KLHL32: variants seen among roughly 807,000 people sequenced by gnomAD.
The protein encoded by KLHL32 is kelch-like protein 32.
A neutral mutation model predicts 64.8 loss-of-function variants in KLHL32; 35 were observed. The observed-to-expected ratio is 0.54, with a 90% CI of 0.41 to 0.72. The LOEUF (loss-of-function observed/expected upper bound fraction) is 0.72, where lower values mean the gene tolerates loss of function less well. KLHL32 is among the 30% of genes least tolerant of loss of function. The pLI, the probability that KLHL32 is intolerant of heterozygous loss-of-function variation, is 0.00. For missense variants in KLHL32, 589 were observed against 768.5 expected, an observed-to-expected ratio of 0.77 and a Z score of 2.76; for synonymous variants, 259 against 281.0, an observed-to-expected ratio of 0.92 and a Z score of 0.78.
At chr6:96,920,205 G>GGA (rs570009527), upstream of KLHL32, among the ~76,000 whole-genome samples, 5 of 152,296 alleles carry the variant, frequency 3.3e-5, no homozygotes, top group South Asian at 1.0e-3. Flanking sequence ...GAAAATCCTT[G>GGA]GAGAGCAGAG....
At chr6:97,063,349 A>G (rs960119676) in intron 4 of KLHL32, among the ~76,000 whole-genome samples, 3 of 152,166 alleles carry the variant, frequency 2.0e-5, no homozygotes, top group Admixed American at 6.5e-5. Flanking sequence ...GTCAAGAATG[A>G]CCCTGAGGTT....
chr6:96,950,324 G>C (rs529955282), intron 1 of KLHL32, among the ~76,000 whole-genome samples: 1 of 152,086 alleles, frequency 6.6e-6, no homozygotes, highest in African/African-American at 2.4e-5. Flanking sequence ...TTCTAGCAAA[G>C]AGAAGAGTGG....
chr6:97,087,311 T>C (rs1157228345), intron 6 of KLHL32, among the ~76,000 whole-genome samples: 1 of 152,206 alleles, frequency 6.6e-6, no homozygotes, highest in Non-Finnish European at 1.5e-5. Flanking sequence ...AAGTTCATCA[T>C]TTTTGCTGAG....
At chr6:97,104,988 T>A (rs1796214582) in intron 6 of KLHL32, among the ~76,000 whole-genome samples, 1 of 152,220 alleles carries the variant, frequency 6.6e-6, no homozygotes, top group African/African-American at 2.4e-5. Flanking sequence ...TATGACACCA[T>A]TATTTCACCT....
At chr6:96,964,894 T>A (rs1030185306) in intron 1 of KLHL32, among the ~76,000 whole-genome samples, 2 of 152,206 alleles carry the variant, frequency 1.3e-5, no homozygotes, top group Non-Finnish European at 2.9e-5. Flanking sequence ...AGCATGTACA[T>A]GTGTAAGTTT....
intron 6 of KLHL32, among the ~76,000 whole-genome samples, chr6:97,089,828 G>T (rs1310887442): frequency 6.6e-6 from 1 of 152,014 alleles, no homozygotes; most frequent in Non-Finnish European, 1.5e-5. Flanking sequence ...TTAACCTGGG[G>T]GTTGAGGACA....
intron 6 of KLHL32, among the ~76,000 whole-genome samples, chr6:97,112,986 C>T (rs1230865090): frequency 6.6e-6 from 1 of 151,632 alleles, no homozygotes; most frequent in Non-Finnish European, 1.5e-5. Context: ...TCCTTTCCTT[C>T]TTAGAAGAGA....
intron 1 of KLHL32, among the ~76,000 whole-genome samples, chr6:96,938,272 GA>G (rs142927559): frequency 6.7e-6 from 1 of 150,332 alleles, no homozygotes; most frequent in East Asian, 2.0e-4. Flanking sequence ...TTCCATAGTG[GA>G]AAAAAAAACA....
rs148689391 is a variant in KLHL32, at chr6:96,968,745, C to T, written c.23+1662C>T. The stretch of plus-strand genomic sequence containing the variant: ...ACAACCACATGCTCTGCTGTATCAT[C>T]TCCTTGTCCTGAAAAGCTCTGTTTG... On this transcript the variant is annotated intron_variant, in intron 2 of 10. Transcript: ENST00000369261. Among the ~76,000 whole-genome samples, 21 of 152,234 alleles carry T rather than the reference C, an allele frequency of 1.4e-4. No homozygotes were observed. In the East Asian group the frequency reaches 4.1e-3, roughly 29 times the overall value.
At chr6:97,066,181 G>A (rs1260559221) in intron 5 of KLHL32, among the ~76,000 whole-genome samples, 1 of 152,142 alleles carries the variant, frequency 6.6e-6, no homozygotes, top group African/African-American at 2.4e-5. Context: ...TGCAACTTGG[G>A]CTTTACGCAT....
At chr6:96,909,789 G>A in the KLHL32 span, among the ~76,000 whole-genome samples, 44 of 152,208 alleles carry the variant, frequency 2.9e-4, no homozygotes, top group African/African-American at 9.9e-4. Flanking sequence ...GAGTTTGAAA[G>A]CATGTGTCTT....
At chr6:96,932,202 G>GT (rs1251673140) in intron 1 of KLHL32, among the ~76,000 whole-genome samples, 24 of 124,302 alleles carry the variant, frequency 1.9e-4, no homozygotes, top group African/African-American at 3.6e-4. Flanking sequence ...AACTGACTGG[G>GT]TTATTTTTTT....
chr6:97,029,976 C>T (rs1215823821), intron 3 of KLHL32, among the ~76,000 whole-genome samples: 1 of 152,164 alleles, frequency 6.6e-6, no homozygotes, highest in Non-Finnish European at 1.5e-5. Flanking sequence ...GCGAGTTGCT[C>T]TTTTCAATGA....
chr6:97,124,567 T>C (rs575070526), intron 7 of KLHL32, among the ~76,000 whole-genome samples: 4 of 152,300 alleles, frequency 2.6e-5, no homozygotes, highest in African/African-American at 7.2e-5. Context: ...GTCTGATACA[T>C]ACAGTAGTGT....
At chr6:97,067,496 C>G (rs780167039) in intron 5 of KLHL32, among the ~76,000 whole-genome samples, 21 of 152,086 alleles carry the variant, frequency 1.4e-4, no homozygotes, top group Non-Finnish European at 2.5e-4. Context: ...GTTACAGTAC[C>G]CTCCTGAGCA....
chr6:96,957,900 A>T (rs1773446941), intron 1 of KLHL32, among the ~76,000 whole-genome samples: 1 of 152,238 alleles, frequency 6.6e-6, no homozygotes, highest in Admixed American at 6.5e-5. Flanking sequence ...CTAAAACATC[A>T]TGATTCAATA....
At chr6:96,961,576 C>T (rs564517621) in intron 1 of KLHL32, among the ~76,000 whole-genome samples, 59 of 152,098 alleles carry the variant, frequency 3.9e-4, no homozygotes, top group Non-Finnish European at 6.3e-4. Context: ...AGACTTTATT[C>T]ACAAGGCTGC....
chr6:97,131,134 G>A (rs1386690135), intron 9 of KLHL32, among the ~76,000 whole-genome samples, 185 bp downstream of exon 9: 6 of 152,136 alleles, frequency 3.9e-5, no homozygotes, highest in Non-Finnish European at 7.3e-5. Flanking sequence ...AGGTAGCTGA[G>A]CATCTAGTTT....
At chr6:97,100,169 A>G (rs927875129) in intron 6 of KLHL32, among the ~76,000 whole-genome samples, 1 of 152,088 alleles carries the variant, frequency 6.6e-6, no homozygotes. Flanking sequence ...ATATATATAT[A>G]TAAATTGTGT....
Sources: allele counts gnomAD v4.1 joint callset (sites outside exome capture counted in the v4.1 genomes callset), GRCh38; gene constraint gnomAD v4.1.1; transcripts MANE v1.5; gene names NCBI Gene and HGNC (gene_info 2026-07-23, HGNC 2026-07-21).